PLEKHG1: variants seen among roughly 807,000 people sequenced by gnomAD.
The protein encoded by PLEKHG1 is pleckstrin homology and RhoGEF domain containing G1.
Under a neutral mutation model 100.8 loss-of-function variants are expected in PLEKHG1, and 44 were observed. That is an observed-to-expected ratio of 0.44 (90% CI 0.34 to 0.56). The LOEUF is 0.56. Ranked by LOEUF, PLEKHG1 falls within the 20% of genes least tolerant of loss-of-function variation. The probability of loss-of-function intolerance (pLI) is 0.01; values close to 1 mark genes in which losing one functional copy is unlikely to be tolerated. For missense variants in PLEKHG1, 1,545 were observed against 1,720.9 expected, an observed-to-expected ratio of 0.90 and a Z score of 1.81; for synonymous variants, 640 against 662.5, an observed-to-expected ratio of 0.97 and a Z score of 0.52.
intron 2 of PLEKHG1, among the ~76,000 whole-genome samples, chr6:150,742,610 G>A (rs1026647462): frequency 7.2e-6 from 1 of 139,058 alleles, no homozygotes; most frequent in Non-Finnish European, 1.5e-5. Context: ...GGGAGGGCCC[G>A]CACACTCAAC....
In PLEKHG1 at chr6:150,830,593, G is replaced by A. The variant is rs140433202; in HGVS notation, c.1482G>A (p.Glu494=). The change falls in exon 15 of 16, where the codon GAG becomes GAA. Residue 494 remains glutamate, a synonymous_variant. Transcript: ENST00000358517. ...TCCATCTTCCTCAGGTTTCTAGAGA[G>A]GAAGGATCTCCCCAGCTGTCTTCAG... The A allele has an allele frequency of 4.6e-5, 74 of 1,591,530 alleles. No homozygotes were observed. The Middle Eastern group carries it at 1.0e-3, about 22-fold the overall frequency.
At chr6:150,723,749 G>C (rs776168347) in intron 1 of PLEKHG1, among the ~76,000 whole-genome samples, 6 of 152,112 alleles carry the variant, frequency 3.9e-5, no homozygotes, top group Non-Finnish European at 7.4e-5. Flanking sequence ...CTCTCTTATT[G>C]CTTAACCAAT....
chr6:150,654,367 G>A (rs1778877590), intron 3 of PLEKHG1, among the ~76,000 whole-genome samples: 1 of 152,218 alleles, frequency 6.6e-6, no homozygotes, highest in Admixed American at 6.5e-5. Flanking sequence ...CAGCACAGCG[G>A]TGCTCAGTAA....
chr6:150,822,003 G>A (rs867950772), intron 13 of PLEKHG1, among the ~76,000 whole-genome samples: 1 of 150,562 alleles, frequency 6.6e-6, no homozygotes, highest in Non-Finnish European at 1.5e-5. Context: ...CACCGCGCCT[G>A]GCTAATTTTG....
intron 4 of PLEKHG1, among the ~76,000 whole-genome samples, chr6:150,792,474 A>G (rs1786047078): frequency 6.6e-6 from 1 of 151,394 alleles, no homozygotes; most frequent in Admixed American, 6.6e-5. Flanking sequence ...GGAGTTCGAG[A>G]CCAGCCTGGC....
intron 3 of PLEKHG1, among the ~76,000 whole-genome samples, chr6:150,678,937 G>T (rs1779846887): frequency 6.6e-6 from 1 of 152,122 alleles, no homozygotes; most frequent in African/African-American, 2.4e-5. Context: ...TGAAATCTCT[G>T]AATATCAATT....
Position 150,733,745 on chromosome 6 carries a change from C to T in PLEKHG1, c.64C>T (p.Arg22Cys), listed in dbSNP as rs139326023. The change falls in exon 2 of 16, where the codon CGC (arginine) becomes TGC (cysteine). Residue 22 changes from arginine (R) to cysteine (C), a missense_variant. Transcript: ENST00000358517. ...TTCCACATCATCCTCGGCCTCTTCC[C>T]GCGACAGCCATGGTTCCTTCGGCAG... is the stretch of plus-strand genomic sequence containing the variant. 36 of 1,614,030 alleles carry T rather than the reference C, an allele frequency of 2.2e-5. 1 individual carries two copies. Among genetic ancestry groups the T allele is most frequent in the Non-Finnish European group, 2.8e-5 (33 of 1,180,028 alleles).
At position 150,835,050 on chromosome 6, in the gene PLEKHG1, C is replaced by T. The variant is rs531676806; in HGVS notation, c.3094+2845C>T. 2.6e-5 allele frequency among the ~76,000 whole-genome samples: 4 copies of T among 152,328 alleles called. No homozygotes were observed. The East Asian group carries it at 5.8e-4, about 22-fold the overall frequency. On this transcript the variant is annotated intron_variant, in intron 15 of 15. Coordinates refer to ENST00000358517, the Ensembl canonical transcript of PLEKHG1. ...CTTGCCGCTTTGCCAGGAGCTTGCT[C>T]TCGGTGCTGTGCGGAAGGAGGAGCA...
chr6:150,703,916 T>G (rs1270865483), intron 3 of PLEKHG1, among the ~76,000 whole-genome samples: 7 of 152,238 alleles, frequency 4.6e-5, no homozygotes, highest in Admixed American at 4.6e-4. Flanking sequence ...ACTTGGTGAC[T>G]TTGAATTTGT....
intron 1 of PLEKHG1, among the ~76,000 whole-genome samples, chr6:150,616,472 TG>T (rs1363281743): frequency 6.6e-6 from 1 of 152,204 alleles, no homozygotes; most frequent in Non-Finnish European, 1.5e-5. Flanking sequence ...CTTGCAAAGC[TG>T]GGGCTCATGT....
chr6:150,721,198 G>C, exon 1 of PLEKHG1: 1 of 983,410 alleles, frequency 1.0e-6, no homozygotes, highest in South Asian at 4.7e-5. Context: ...GAGTGGAGCA[G>C]AGGTAGGTGC....
chr6:150,813,088 G>A (rs1049010629), intron 10 of PLEKHG1, among the ~76,000 whole-genome samples: 2 of 152,110 alleles, frequency 1.3e-5, no homozygotes, highest in Admixed American at 6.5e-5. Flanking sequence ...GGCAGATCAC[G>A]AGGTCAGGAG....
chr6:150,743,089 C>T (rs1192713430), intron 2 of PLEKHG1, among the ~76,000 whole-genome samples: 1 of 152,174 alleles, frequency 6.6e-6, no homozygotes, highest in East Asian at 1.9e-4. Flanking sequence ...GCAGTCTAGC[C>T]GTGTGTCCAA....
At chr6:150,618,998 G>A (rs1252265048) in intron 1 of PLEKHG1, among the ~76,000 whole-genome samples, 1 of 152,158 alleles carries the variant, frequency 6.6e-6, no homozygotes, top group East Asian at 1.9e-4. Flanking sequence ...CTGGAGGATT[G>A]CTTGATCCCG....
chr6:150,611,476 G>C (rs997374403), intron 1 of PLEKHG1, among the ~76,000 whole-genome samples: 7 of 152,196 alleles, frequency 4.6e-5, no homozygotes, highest in African/African-American at 1.4e-4. Flanking sequence ...ATTAAAAAGG[G>C]ATGGATTCTG....
At chr6:150,824,876 A>AC (rs1776507864) in intron 14 of PLEKHG1, among the ~76,000 whole-genome samples, 1 of 150,682 alleles carries the variant, frequency 6.6e-6, no homozygotes, top group South Asian at 2.1e-4. Context: ...AGGTGTGCGC[A>AC]TTTTTTTTTC....
intron 2 of PLEKHG1, among the ~76,000 whole-genome samples, chr6:150,639,001 G>A (rs1778138197): frequency 6.6e-6 from 1 of 152,174 alleles, no homozygotes; most frequent in Non-Finnish European, 1.5e-5. Flanking sequence ...AGTGGGGAAT[G>A]TTATTTATAT....
intron 1 of PLEKHG1, among the ~76,000 whole-genome samples, chr6:150,608,439 T>C (rs1285250989): frequency 1.3e-5 from 2 of 152,042 alleles, no homozygotes; most frequent in East Asian, 3.8e-4. Context: ...AGTGAACAGG[T>C]ATTTATTCTT....
At chr6:150,840,766 A>G (rs751866070) in exon 16 of PLEKHG1, 1 of 1,614,194 alleles carries the variant, frequency 6.2e-7, no homozygotes, top group Non-Finnish European at 8.5e-7. Flanking sequence ...CTTTCACCAT[A>G]TCTGACACCA....
Sources: gnomAD v4.1 joint callset for allele counts (sites outside exome capture counted in the v4.1 genomes callset) on GRCh38, gnomAD v4.1.1 for gene constraint, MANE v1.5 for transcripts, NCBI Gene and HGNC (gene_info 2026-07-23, HGNC 2026-07-21) for gene names.